Variants in PRSS23 observed in about 807,000 individuals in gnomAD.
PRSS23 encodes the protein serine protease 23, also known as protease, serine 23.
PRSS23 carries 25 observed loss-of-function variants against 34.7 expected under a neutral mutation model. The observed-to-expected ratio is 0.72, with a 90% CI of 0.53 to 1.01. The LOEUF (loss-of-function observed/expected upper bound fraction) is 1.01, where lower values mean the gene tolerates loss of function less well. PRSS23 is among the 50% of genes least tolerant of loss of function. The pLI, the probability that PRSS23 is intolerant of heterozygous loss-of-function variation, is 0.00. For synonymous variants in PRSS23, 176 were observed against 186.6 expected (o/e 0.94, Z 0.46); for missense variants, 445 against 475.6 (o/e 0.94, Z 0.60).
At chr11:86,850,753 C>T (rs557992628) in intron 2 of PRSS23, among the ~76,000 whole-genome samples, 5 of 152,158 alleles carry the variant, frequency 3.3e-5, no homozygotes, top group Non-Finnish European at 7.3e-5. Context: ...TGCTTTGTAA[C>T]GTCCTGTAAG....
At chr11:86,807,482 G>A (rs965049570) in intron 1 of PRSS23, 149 bp from the exon 2 acceptor site, 16 of 782,264 alleles carry the variant, frequency 2.0e-5, no homozygotes, top group Middle Eastern at 3.8e-4. Flanking sequence ...AAGTGAGACC[G>A]TTATCTAAGG....
At chr11:86,861,797 T>A (rs1948617542) in intron 2 of PRSS23, among the ~76,000 whole-genome samples, 1 of 150,118 alleles carries the variant, frequency 6.7e-6, no homozygotes, top group Admixed American at 6.6e-5. Flanking sequence ...CCATGTCTGA[T>A]AGGGTGTACA....
intron 2 of PRSS23, among the ~76,000 whole-genome samples, chr11:86,864,797 G>T (rs1948639734): frequency 6.6e-6 from 1 of 152,196 alleles, no homozygotes; most frequent in South Asian, 2.1e-4. Context: ...GCTTCTAGAG[G>T]CTGGCCTCAT....
chr11:86,815,751 T>C (rs1335646987), downstream of PRSS23, among the ~76,000 whole-genome samples: 1 of 152,188 alleles, frequency 6.6e-6, no homozygotes, highest in Non-Finnish European at 1.5e-5. Context: ...TGTCTGTCTG[T>C]CATGACTTAG....
Position 86,868,504 on chromosome 11 carries a change from C to T in PRSS23, c.206+44911C>T, listed in dbSNP as rs148107453. Reference sequence around the variant, plus strand: ...TTAGGAGGAACAAGGGAACTCCTAGCCCCACAAGGCACTGGGTGACTTTTT... The same window carrying T: ...TTAGGAGGAACAAGGGAACTCCTAGTCCCACAAGGCACTGGGTGACTTTTT... On this transcript the variant is annotated intron_variant, in intron 2 of 2. Coordinates refer to the PRSS23 transcript ENST00000533902. 5.9e-5 allele frequency among the ~76,000 whole-genome samples: 9 copies of T among 152,204 alleles called. No individual in the cohort carries two copies. In the East Asian group the frequency reaches 1.7e-3, roughly 29 times the overall value.
chr11:86,798,401 G>C (rs1555067510), upstream of PRSS23, among the ~76,000 whole-genome samples: 1 of 152,178 alleles, frequency 6.6e-6, no homozygotes, highest in Admixed American at 6.5e-5. Context: ...AGAGTCAAGA[G>C]AAACCCATTG....
intron 2 of PRSS23, among the ~76,000 whole-genome samples, chr11:86,866,984 A>G (rs1297040774): frequency 6.6e-6 from 1 of 152,136 alleles, no homozygotes; most frequent in Admixed American, 6.6e-5. Context: ...TTCCTTTATA[A>G]ATCACCCAGC....
Position 86,891,824 on chromosome 11 carries a change from G to T in PRSS23, c.207-59392G>T, listed in dbSNP as rs112788182. On this transcript the variant is annotated intron_variant, in intron 2 of 2. Coordinates refer to the PRSS23 transcript ENST00000533902. Reference sequence around the variant, plus strand: ...CTCACGAGATCTGATGGTTTTCTAAGTGTTTGGTAGTTCCTCCTGCGTTCA... The same window carrying T: ...CTCACGAGATCTGATGGTTTTCTAATTGTTTGGTAGTTCCTCCTGCGTTCA... Among the ~76,000 whole-genome samples, 1,045 of 152,178 alleles carry T rather than the reference G, an allele frequency of 6.9e-3. 10 individuals are homozygous for T. Among genetic ancestry groups the T allele is most frequent in the African/African-American group, 0.024 (1,013 of 41,480 alleles).
intron 2 of PRSS23, among the ~76,000 whole-genome samples, chr11:86,838,082 T>C (rs1313716512): frequency 6.6e-6 from 1 of 152,086 alleles, no homozygotes; most frequent in African/African-American, 2.4e-5. Context: ...TCTTTTTTTT[T>C]TTTCAATTTT....
At chr11:86,952,550 T>G in exon 3 of PRSS23, 1 of 1,508,018 alleles carries the variant, frequency 6.6e-7, no homozygotes, top group Non-Finnish European at 9.1e-7. Context: ...AAAGCTGAGT[T>G]GAATGCTTCC....
Position 86,800,608 on chromosome 11 carries a change from GAGCGGCGC to G in PRSS23, c.-52_-45del. The G allele has an allele frequency of 1.0e-6, 1 of 985,168 alleles. No individual in the cohort carries two copies. Among genetic ancestry groups the G allele is most frequent in the Non-Finnish European group, 1.2e-6 (1 of 829,868 alleles). The allele number at this position is 985,168 out of a possible 1,614,324, so 61.0% of individuals were successfully genotyped here. A position where few individuals can be genotyped will look rare whatever the true frequency, so the allele number is the denominator to read the frequency against. On this transcript the variant is annotated 5_prime_UTR_variant, in exon 1 of 2. Coordinates refer to ENST00000280258, the MANE Select transcript of PRSS23 (RefSeq NM_007173.6). Reference sequence around the variant, plus strand: ...TCTCTCCCGGCGCCCACACCTGTCTGAGCGGCGCAGCGAGCCGCGGCCCGGGCGGGCTG... The same window carrying G: ...TCTCTCCCGGCGCCCACACCTGTCTGAGCGAGCCGCGGCCCGGGCGGGCTG...
intron 2 of PRSS23, chr11:86,935,747 C>T (rs1233229447): frequency 2.6e-5 from 4 of 152,064 alleles, no homozygotes; most frequent in Admixed American, 2.0e-4. Context: ...AAGCTCACAT[C>T]GCTAGAAAGT....
intron 2 of PRSS23, among the ~76,000 whole-genome samples, chr11:86,881,802 C>A (rs1001458528): frequency 1.3e-5 from 2 of 152,120 alleles, no homozygotes; most frequent in Non-Finnish European, 2.9e-5. Flanking sequence ...GATTTATTAT[C>A]TCTTCTTGAG....
In PRSS23 at chr11:86,940,133, T is replaced by C. The variant is rs573569485; in HGVS notation, c.207-11083T>C. On this transcript the variant is annotated intron_variant, in intron 2 of 2. Transcript: ENST00000533902. The stretch of plus-strand genomic sequence containing the variant: ...CTACATAAACAACTAAATGCTACCC[T>C]CTCCTCCCAAGGACCCTGTCCCCTC... 5.9e-5 allele frequency among the ~76,000 whole-genome samples: 9 copies of C among 152,176 alleles called. No individual in the cohort carries two copies. The East Asian group carries it at 1.7e-3, about 29-fold the overall frequency.
intron 1 of PRSS23, among the ~76,000 whole-genome samples, chr11:86,801,555 C>T (rs1948038673): frequency 6.6e-6 from 1 of 152,194 alleles, no homozygotes; most frequent in Admixed American, 6.5e-5. Context: ...CTGTGCACTC[C>T]TTAGGAACAG....
At chr11:86,937,462 T>C (rs1371960322) in intron 2 of PRSS23, 2 of 152,178 alleles carry the variant, frequency 1.3e-5, no homozygotes, top group African/African-American at 4.8e-5. Flanking sequence ...CGGTTAGGCA[T>C]TCTAAGTCAC....
At chr11:86,919,720 T>C (rs1590928039) in intron 2 of PRSS23, among the ~76,000 whole-genome samples, 1 of 152,328 alleles carries the variant, frequency 6.6e-6, no homozygotes, top group East Asian at 1.9e-4. Flanking sequence ...CTTTGCAGTG[T>C]TTCTCAAGTC....
At chr11:86,886,537 A>T (rs1222195584) in intron 2 of PRSS23, among the ~76,000 whole-genome samples, 2 of 152,102 alleles carry the variant, frequency 1.3e-5, no homozygotes, top group African/African-American at 4.8e-5. Context: ...ATCCTAAAGC[A>T]CTCCCTAATA....
intron 1 of PRSS23, among the ~76,000 whole-genome samples, chr11:86,822,767 G>T (rs1426107674): frequency 1.3e-5 from 2 of 152,156 alleles, no homozygotes; most frequent in Non-Finnish European, 2.9e-5. Flanking sequence ...AGAGACATGG[G>T]CTGGAGGTGA....
Sources: allele counts gnomAD v4.1 joint callset (sites outside exome capture counted in the v4.1 genomes callset), GRCh38; gene constraint gnomAD v4.1.1; transcripts MANE v1.5; gene names NCBI Gene and HGNC (gene_info 2026-07-23, HGNC 2026-07-21).